Variants in NSD1 observed in about 807,000 individuals in gnomAD.
NSD1 encodes the protein nuclear receptor binding SET domain protein 1, also known as histone-lysine N-methyltransferase, H3 lysine-36 specific.
A neutral mutation model predicts 242.7 loss-of-function variants in NSD1; 26 were observed. That is an observed-to-expected ratio of 0.11 (90% CI 0.08 to 0.15). NSD1 has a LOEUF of 0.15. Ranked by LOEUF, NSD1 falls within the 10% of genes least tolerant of loss-of-function variation. NSD1 has a pLI of 1.00. For missense variants in NSD1, 2,495 were observed against 3,272.8 expected (o/e 0.76, Z 5.80); for synonymous variants, 1,106 against 1,178.1 (o/e 0.94, Z 1.25).
Position 177,134,943 on chromosome 5 carries a change from T to C in NSD1, c.-17-144T>C, listed in dbSNP as rs1756185110. 3 of 686,986 alleles carry C rather than the reference T, an allele frequency of 4.4e-6. No individual in the cohort carries two copies. The highest frequency in any genetic ancestry group is 3.6e-5 in the South Asian group (2 of 55,282). The allele number at this position is 686,986 out of a possible 1,614,324, so 42.6% of individuals were successfully genotyped here. ...GAGGCTCATCGAGGCCATTTTTTCA[T>C]CTCCAGTCGGGGGAACTTTTTCTGC... On this transcript the variant is annotated intron_variant, in intron 1 of 22. Coordinates refer to ENST00000439151, the MANE Select transcript of NSD1 (RefSeq NM_022455.5). The surrounding 1 kb of genome is among the most constrained non-coding windows in gnomAD (Gnocchi z 4.2).
chr5:177,242,273 T>TA (rs981741992), intron 8 of NSD1, among the ~76,000 whole-genome samples: 7 of 151,932 alleles, frequency 4.6e-5, no homozygotes, highest in Non-Finnish European at 1.0e-4. Flanking sequence ...ATTGCTATTT[T>TA]AAAAAAAATT....
intron 2 of NSD1, 43 bp from the exon 3 acceptor site, chr5:177,191,841 T>C: frequency 1.2e-6 from 2 of 1,607,540 alleles, no homozygotes; most frequent in Non-Finnish European, 1.7e-6. Context: ...TGTTTCAAAA[T>C]ATTTTGATTC....
chr5:177,200,235 A>C (rs1416629395), intron 3 of NSD1, among the ~76,000 whole-genome samples: 1 of 151,724 alleles, frequency 6.6e-6, no homozygotes, highest in Non-Finnish European at 1.5e-5. Flanking sequence ...GGACTATACG[A>C]GTAACTGGGA....
chr5:177,200,099 T>TTTTG (rs1562191945), intron 3 of NSD1, among the ~76,000 whole-genome samples: 1 of 152,064 alleles, frequency 6.6e-6, no homozygotes. Context: ...TAATGTTTTT[T>TTTTG]TTTTGTTTTG....
intron 5 of NSD1, among the ~76,000 whole-genome samples, chr5:177,223,654 T>C (rs1205250246): frequency 2.0e-5 from 3 of 152,286 alleles, no homozygotes; most frequent in Admixed American, 1.3e-4. Flanking sequence ...TGCATCCTTA[T>C]TGATAGTCAG....
rs115142140 is a variant in NSD1 at position 177,284,215 on chromosome 5, A to G, written c.6151+287A>G. On this transcript the variant is annotated intron_variant, in intron 20 of 22. Coordinates refer to ENST00000439151, the MANE Select transcript of NSD1 (RefSeq NM_022455.5). ...CTTTCTGTCTCTGAATTTGACTACTATATGTACTTCATATAAATGGACAAT... is the reference window on the plus strand; with the variant it reads ...CTTTCTGTCTCTGAATTTGACTACTGTATGTACTTCATATAAATGGACAAT... Among the ~76,000 whole-genome samples, 1,030 of 152,298 alleles carry G rather than the reference A, an allele frequency of 6.8e-3. 9 individuals are homozygous for G. The highest frequency in any genetic ancestry group is 0.024 in the African/African-American group (980 of 41,564).
chr5:177,281,642 G>T (rs1581530179), intron 18 of NSD1, among the ~76,000 whole-genome samples: 1 of 151,982 alleles, frequency 6.6e-6, no homozygotes, highest in Non-Finnish European at 1.5e-5. Context: ...TGTCTCTGAT[G>T]ATATTATATT....
At chr5:177,263,009 CT>C (rs143871971) in intron 14 of NSD1, among the ~76,000 whole-genome samples, 3,486 of 152,284 alleles carry the variant, frequency 0.023, 53 homozygotes, top group South Asian at 0.054. Context: ...AACCTTTTGT[CT>C]TTTACCTACT....
chr5:177,284,870 G>A (rs912350721), intron 20 of NSD1, among the ~76,000 whole-genome samples: 1 of 152,162 alleles, frequency 6.6e-6, no homozygotes, highest in African/African-American at 2.4e-5. Flanking sequence ...GGAGGCTGAG[G>A]CCAGAAATCG....
chr5:177,222,231 C>T (rs1293816325), intron 5 of NSD1, among the ~76,000 whole-genome samples: 6 of 152,140 alleles, frequency 3.9e-5, no homozygotes, highest in Non-Finnish European at 7.4e-5. Context: ...CAGGTACAAG[C>T]GATTCTCATG....
At chr5:177,195,740 G>A (rs553948142) in intron 3 of NSD1, among the ~76,000 whole-genome samples, 10 of 152,222 alleles carry the variant, frequency 6.6e-5, no homozygotes, top group Admixed American at 4.6e-4. Context: ...AAGTACTTGG[G>A]ATTACTGACA....
At chr5:177,288,744 G>C in intron 20 of NSD1, 75 bp from the exon 21 acceptor site, 1 of 1,037,410 alleles carries the variant, frequency 9.6e-7, no homozygotes, top group Non-Finnish European at 1.5e-6. Flanking sequence ...TTGGGAGTTG[G>C]TATCCTTTGT....
intron 5 of NSD1, 103 bp from the exon 6 acceptor site, chr5:177,235,718 G>A: frequency 1.4e-6 from 2 of 1,468,100 alleles, no homozygotes; most frequent in South Asian, 2.4e-5. Flanking sequence ...TTACTATGTG[G>A]TTTCCCATCT....
chr5:177,288,717 A>T, intron 20 of NSD1, 102 bp from the exon 21 acceptor site: 1 of 843,928 alleles, frequency 1.2e-6, no homozygotes, highest in East Asian at 2.5e-5. Flanking sequence ...AATTCTTTTT[A>T]AAATTAATCT....
Position 177,295,392 on chromosome 5 carries a change from A to G in NSD1, c.8024A>G (p.Gln2675Arg). The change falls in exon 23 of 23, where the codon CAA (glutamine) becomes CGA (arginine). Residue 2675 changes from glutamine (Q) to arginine (R), a missense_variant. This residue lies in a region of NSD1 where 475 missense variants were observed against 563.7 expected (regional missense o/e 0.84). Coordinates refer to ENST00000439151, the MANE Select transcript of NSD1 (RefSeq NM_022455.5). This position sits in a 1 kb window ranked among gnomAD's most constrained non-coding sequence, Gnocchi z 4.3. ...AGAGGGCAAGACCCCAAACCAGAGC[A>G]AAATACACTTCCAGCTCTTAACCAG... is the stretch of plus-strand genomic sequence containing the variant. ...LGRGQDPKPE[Q>R]NTLPALNQAP... 6.2e-7 allele frequency: 1 copy of G among 1,614,206 alleles called. No homozygotes were observed. The highest frequency in any genetic ancestry group is 1.3e-5 in the African/African-American group (1 of 75,052).
At chr5:177,135,021 C>A in intron 1 of NSD1, 66 bp from the exon 2 acceptor site, 1 of 1,418,170 alleles carries the variant, frequency 7.1e-7, no homozygotes, top group Non-Finnish European at 1.0e-6. Context: ...GAAGTGGCTG[C>A]CATTTTAAAG....
In NSD1 at chr5:177,273,733, G is replaced by A. The variant is rs552216286; in HGVS notation, c.5571G>A (p.Leu1857=). Residue 1857 remains leucine (L), a synonymous_variant, in exon 17 of 23, where the codon CTG becomes CTA. Transcript: ENST00000439151. ...ELKAQKELRQ[L]QEDRKNDKKP... Reference sequence around the variant, plus strand: ...AGGCCCAAAAAGAGCTAAGACAGCTGCAGGAAGACCGAAAGAATGACAAGA... The same window carrying A: ...AGGCCCAAAAAGAGCTAAGACAGCTACAGGAAGACCGAAAGAATGACAAGA... 5 of 1,613,904 alleles carry A rather than the reference G, an allele frequency of 3.1e-6. No individual in the cohort carries two copies. The highest frequency in any genetic ancestry group is 4.5e-5 in the East Asian group (2 of 44,876).
chr5:177,249,060 G>T (rs1344254313), intron 11 of NSD1, among the ~76,000 whole-genome samples: 1 of 152,092 alleles, frequency 6.6e-6, no homozygotes. Context: ...GTGAGATAGG[G>T]GATTCCACTT....
At chr5:177,193,427 C>T (rs1351018190) in intron 3 of NSD1, among the ~76,000 whole-genome samples, 1 of 152,072 alleles carries the variant, frequency 6.6e-6, no homozygotes, top group African/African-American at 2.4e-5. Flanking sequence ...CAAGCGTGAG[C>T]CACCGTGCCG....
Sources: gnomAD v4.1 joint callset for allele counts (sites outside exome capture counted in the v4.1 genomes callset) on GRCh38, gnomAD v4.1.1 for gene constraint, gnomAD v4.1.1 regional missense constraint, Gnocchi (gnomAD v3.1) non-coding constraint, MANE v1.5 for transcripts, NCBI Gene and HGNC (gene_info 2026-07-23, HGNC 2026-07-21) for gene names.